LMOD3: variants seen among roughly 807,000 people sequenced by gnomAD.
LMOD3 encodes the protein leiomodin-3.
In LMOD3, 31 loss-of-function variants were observed where a neutral mutation model predicts 41.8. That is an observed-to-expected ratio of 0.74 (90% CI 0.56 to 1.00). The LOEUF (loss-of-function observed/expected upper bound fraction) is 1.00, where lower values mean the gene tolerates loss of function less well. Ranked by LOEUF, LMOD3 falls within the 50% of genes least tolerant of loss-of-function variation. LMOD3 has a pLI of 0.00. For missense variants in LMOD3, 755 were observed against 679.5 expected, an observed-to-expected ratio of 1.11 and a Z score of -1.23; for synonymous variants, 292 against 241.9, an observed-to-expected ratio of 1.21 and a Z score of -1.92.
At chr3:69,117,849 T>C (rs1380323996) in intron 2 of LMOD3, among the ~76,000 whole-genome samples, 1 of 151,682 alleles carries the variant, frequency 6.6e-6, no homozygotes, top group Non-Finnish European at 1.5e-5. Context: ...TTTTTTTTTT[T>C]TTAGATGGAG....
intron 2 of LMOD3, among the ~76,000 whole-genome samples, chr3:69,118,353 C>T (rs564026371): frequency 1.3e-5 from 2 of 152,120 alleles, no homozygotes; most frequent in African/African-American, 4.8e-5. Context: ...GCCTCAGTAT[C>T]CTTTTTATTA....
intron 2 of LMOD3, among the ~76,000 whole-genome samples, chr3:69,110,125 C>CT: frequency 6.6e-6 from 1 of 152,194 alleles, no homozygotes; most frequent in South Asian, 2.1e-4. Context: ...GGGCATGCAC[C>CT]TGTAATCCTG....
At chr3:69,115,022 C>G (rs1306280937) in intron 2 of LMOD3, among the ~76,000 whole-genome samples, 2 of 152,142 alleles carry the variant, frequency 1.3e-5, no homozygotes, top group African/African-American at 4.8e-5. Flanking sequence ...CATGCCATCA[C>G]ACCAGGCTAA....
rs528693251 is a variant in LMOD3 at position 69,112,810 on chromosome 3, T to C, written c.1657-3689A>G. On this transcript the variant is annotated intron_variant, in intron 2 of 2. Transcript: ENST00000420581. ...CCAAGACCTACTGAATCAGAGACTC[T>C]GTCAGTGGACTCAGTAATCTGTATT... 1.2e-3 allele frequency among the ~76,000 whole-genome samples: 185 copies of C among 152,360 alleles called. 1 individual carries two copies. The highest frequency in any genetic ancestry group is 4.2e-3 in the African/African-American group (176 of 41,588).
chr3:69,113,981 G>A (rs77852449), intron 2 of LMOD3, among the ~76,000 whole-genome samples: 1,803 of 152,230 alleles, frequency 0.012, 11 homozygotes, highest in Middle Eastern at 0.044. Context: ...CAGTTTGTTA[G>A]ATAAGACAAA....
intron 1 of LMOD3, among the ~76,000 whole-genome samples, chr3:69,120,591 C>T (rs1458482150): frequency 2.0e-5 from 3 of 150,764 alleles, no homozygotes; most frequent in Non-Finnish European, 3.0e-5. Context: ...ATACGTTTGA[C>T]ATTTTGGAAT....
chr3:69,119,403 C>T lies in LMOD3; in HGVS notation c.952G>A (p.Glu318Lys). Reference sequence around the variant, plus strand: ...CCTTTACCTGTGATGAAATTGGACTCGATGTTGAGAGTGGTGATGCTTCTA... The same window carrying T: ...CCTTTACCTGTGATGAAATTGGACTTGATGTTGAGAGTGGTGATGCTTCTA... Reference protein sequence around the residue: ...ENRSITTLNIESNFITGKGIV... With the variant: ...ENRSITTLNIKSNFITGKGIV... Residue 318 changes from glutamate to lysine, a missense_variant, in exon 2 of 3, where the codon GAG becomes AAG. Transcript: ENST00000420581. 1.2e-6 allele frequency: 2 copies of T among 1,613,948 alleles called. No homozygotes were observed. The highest frequency in any genetic ancestry group is 1.7e-6 in the Non-Finnish European group (2 of 1,179,890).
Position 69,118,912 on chromosome 3 carries a change from G to A in LMOD3, c.1443C>T (p.Asp481=). The A allele has an allele frequency of 6.2e-7, 1 of 1,612,126 alleles. No homozygotes were observed. The highest frequency in any genetic ancestry group is 8.5e-7 in the Non-Finnish European group (1 of 1,179,548). The change falls in exon 2 of 3, where the codon GAC becomes GAT. Residue 481 remains aspartate, a synonymous_variant. Transcript: ENST00000420581. ...KPSQAPKYRT[D]PDSFRVVKLK... ...GCTTCACCACCCGGAAGGAGTCAGG[G>A]TCTGTCCTGTACTTCGGGGCCTGCG...
Position 69,119,756 on chromosome 3 carries a change from C to T in LMOD3, c.599G>A (p.Arg200Lys), listed in dbSNP as rs1256596573. ...TTGTTCTTGGGCCTCTGGTCTGTCT[C>T]TCTGTTCTTTGAATGCTTTGTCAGT... ...QVTDKAFKEQ[R>K]DRPEAQEQSE... The change falls in exon 2 of 3, where the codon AGA (arginine) becomes AAA (lysine). Residue 200 changes from arginine (R) to lysine (K), a missense_variant. Coordinates refer to ENST00000420581, the MANE Select transcript of LMOD3 (RefSeq NM_198271.5). 7 of 1,613,688 alleles carry T rather than the reference C, an allele frequency of 4.3e-6. No homozygotes were observed. Among genetic ancestry groups the T allele is most frequent in the Non-Finnish European group, 4.2e-6 (5 of 1,179,738 alleles).
rs185272458 is a variant in LMOD3, at chr3:69,108,837, C to G, written c.*258G>C. On this transcript the variant is annotated 3_prime_UTR_variant, in exon 3 of 3. Transcript: ENST00000420581. ...TCGGGAAATATGACTCTAAATTTCACCTGAGTCACTCAAATTGATTGCAAG... is the reference window on the plus strand; with the variant it reads ...TCGGGAAATATGACTCTAAATTTCAGCTGAGTCACTCAAATTGATTGCAAG... 1.8e-4 allele frequency: 66 copies of G among 365,952 alleles called. No homozygotes were observed. In the East Asian group the frequency reaches 2.8e-3, roughly 16 times the overall value. The allele number at this position is 365,952 out of a possible 1,614,324, so 22.7% of individuals were successfully genotyped here.
In LMOD3 at chr3:69,117,911, A is replaced by G. The variant is rs550061639; in HGVS notation, c.1656+788T>C. On this transcript the variant is annotated intron_variant, in intron 2 of 2. Coordinates refer to ENST00000420581, the MANE Select transcript of LMOD3 (RefSeq NM_198271.5). The stretch of plus-strand genomic sequence containing the variant: ...CAGTGGTGCAATCTCCGCTCACTGC[A>G]CCATCCGCCTCCCAAGTTCAAGTGA... Among the ~76,000 whole-genome samples, 56 of 148,786 alleles carry G rather than the reference A, an allele frequency of 3.8e-4. 1 individual carries two copies. Among genetic ancestry groups the G allele is most frequent in the Non-Finnish European group, 6.8e-4 (46 of 67,632 alleles).
At chr3:69,121,005 G>A (rs1293626023) in intron 1 of LMOD3, among the ~76,000 whole-genome samples, 1 of 152,146 alleles carries the variant, frequency 6.6e-6, no homozygotes, top group Non-Finnish European at 1.5e-5. Flanking sequence ...TAGGTCAGAA[G>A]AGACAGTGAC....
intron 2 of LMOD3, among the ~76,000 whole-genome samples, chr3:69,114,831 A>C (rs2092364215): frequency 6.6e-6 from 1 of 152,092 alleles, no homozygotes; most frequent in African/African-American, 2.4e-5. Flanking sequence ...TGCTCTATCA[A>C]ATACAAAAGT....
Position 69,122,388 on chromosome 3 carries a change from A to AT in LMOD3, c.-3dup. ...TGAATTTCTGCTGTGCTCTGACATT[A>AT]TTTTTTCTAAATATTATTTTACTAG... On this transcript the variant is annotated 5_prime_UTR_variant, in exon 1 of 3. Transcript: ENST00000420581. 2 of 1,543,922 alleles carry AT rather than the reference A, an allele frequency of 1.3e-6. No individual in the cohort carries two copies. The highest frequency in any genetic ancestry group is 1.8e-6 in the Non-Finnish European group (2 of 1,139,650).
At position 69,108,937 on chromosome 3, in the gene LMOD3, C is replaced by T. The variant is rs1219119466; in HGVS notation, c.*158G>A. The stretch of plus-strand genomic sequence containing the variant: ...CTTCAGCCCCTACTTCTTCATGGCC[C>T]AAACATTCTGCCTTTTACAAATACC... On this transcript the variant is annotated 3_prime_UTR_variant, in exon 3 of 3. Coordinates refer to ENST00000420581, the MANE Select transcript of LMOD3 (RefSeq NM_198271.5). 1.3e-5 allele frequency: 8 copies of T among 611,790 alleles called. No individual in the cohort carries two copies. Among genetic ancestry groups the T allele is most frequent in the African/African-American group, 1.9e-5 (1 of 53,118 alleles). The allele number at this position is 611,790 out of a possible 1,614,324, so 37.9% of individuals were successfully genotyped here.
chr3:69,114,319 A>G (rs765914788), intron 2 of LMOD3, among the ~76,000 whole-genome samples: 7 of 152,138 alleles, frequency 4.6e-5, no homozygotes, highest in Non-Finnish European at 1.0e-4. Flanking sequence ...ACCAGATCTG[A>G]CCTCATGCTT....
chr3:69,121,771 G>C (rs576297758), intron 1 of LMOD3, among the ~76,000 whole-genome samples: 1 of 152,140 alleles, frequency 6.6e-6, no homozygotes, highest in Non-Finnish European at 1.5e-5. Flanking sequence ...GAAAGAGAGA[G>C]GTAAGGACAA....
At position 69,122,424 on chromosome 3, in the gene LMOD3, T is replaced by C. The variant is rs758607722; in HGVS notation, c.-38A>G. The C allele has an allele frequency of 2.1e-6, 3 of 1,395,918 alleles. No individual in the cohort carries two copies. Among genetic ancestry groups the C allele is most frequent in the African/African-American group, 2.9e-5 (2 of 68,226 alleles). The allele number at this position is 1,395,918 out of a possible 1,614,324, so 86.5% of individuals were successfully genotyped here. A position where few individuals can be genotyped will look rare whatever the true frequency, so the allele number is the denominator to read the frequency against. On this transcript the variant is annotated 5_prime_UTR_variant, in exon 1 of 3. Transcript: ENST00000420581. ...ATATTATTTTACTAGAAAAGAAGAA[T>C]AATCAAAGATGATTTTTAAAAAGAA...
intron 2 of LMOD3, among the ~76,000 whole-genome samples, chr3:69,117,306 T>C (rs1402751020): frequency 6.6e-6 from 1 of 152,206 alleles, no homozygotes; most frequent in Non-Finnish European, 1.5e-5. Context: ...ATAAGGACGA[T>C]ACATATGTGA....
Sources: gnomAD v4.1 joint callset for allele counts (sites outside exome capture counted in the v4.1 genomes callset) on GRCh38, gnomAD v4.1.1 for gene constraint, MANE v1.5 for transcripts, NCBI Gene and HGNC (gene_info 2026-07-23, HGNC 2026-07-21) for gene names.